The following GRIP1 variants were observed in gnomAD, a reference collection of about 807,000 sequenced individuals.
GRIP1 encodes glutamate receptor-interacting protein 1.
GRIP1 carries 45 observed loss-of-function variants against 129.9 expected under a neutral mutation model. The ratio of observed to expected loss-of-function variants is 0.35; its 90% confidence interval spans 0.27 to 0.44. GRIP1 has a LOEUF of 0.44. GRIP1 is among the 20% of genes least tolerant of loss of function. The pLI is 1.00. For synonymous variants in GRIP1, 530 were observed against 520.8 expected (o/e 1.02, Z -0.24); for missense variants, 1,196 against 1,396.8 (o/e 0.86, Z 2.29).
upstream of GRIP1, among the ~76,000 whole-genome samples, chr12:66,680,195 T>G (rs2034530153): frequency 1.3e-5 from 2 of 152,318 alleles, no homozygotes; most frequent in South Asian, 4.1e-4. Flanking sequence ...ATTCATACAG[T>G]TTTATTCTCT....
At chr12:67,033,271 G>GTATATA (rs3051221) in intron 1 of GRIP1, among the ~76,000 whole-genome samples, 237 of 142,966 alleles carry the variant, frequency 1.7e-3, no homozygotes, top group African/African-American at 3.3e-3. Context: ...AAGACTACAT[G>GTATATA]TATATATATA....
At chr12:66,462,848 C>A in intron 9 of GRIP1, 76 bp downstream of exon 9, 70 of 835,846 alleles carry the variant, frequency 8.4e-5, no homozygotes, top group Non-Finnish European at 1.2e-4. Context: ...CAGTGTCTTT[C>A]TGCTGTCTAA....
intron 7 of GRIP1, among the ~76,000 whole-genome samples, chr12:66,465,978 G>C (rs1565770119): frequency 6.6e-6 from 1 of 152,190 alleles, no homozygotes; most frequent in African/African-American, 2.4e-5. Context: ...GAATGGATGG[G>C]TAGATAGATA....
chr12:67,000,848 A>G (rs1329612308), intron 1 of GRIP1, among the ~76,000 whole-genome samples: 1 of 152,228 alleles, frequency 6.6e-6, no homozygotes, highest in African/African-American at 2.4e-5. Flanking sequence ...GTAAGATGTC[A>G]GGTTCAATTT....
At chr12:66,701,499 AAAT>A (rs2035352784) in intron 1 of GRIP1, among the ~76,000 whole-genome samples, 1 of 152,216 alleles carries the variant, frequency 6.6e-6, no homozygotes, top group African/African-American at 2.4e-5. Context: ...TCAGTTTATG[AAAT>A]ACATCTGGAA....
chr12:67,012,406 A>G (rs559994443), intron 1 of GRIP1, among the ~76,000 whole-genome samples: 66 of 152,308 alleles, frequency 4.3e-4, no homozygotes, highest in Non-Finnish European at 6.5e-4. Context: ...CTAAAGATCC[A>G]TCTTCCAGGA....
At chr12:66,648,372 C>T (rs749032477) in intron 1 of GRIP1, among the ~76,000 whole-genome samples, 1 of 152,158 alleles carries the variant, frequency 6.6e-6, no homozygotes, top group Non-Finnish European at 1.5e-5. Flanking sequence ...ATGATTTGAC[C>T]AAATGATCAC....
chr12:66,908,306 T>C (rs1443827557), intron 1 of GRIP1, among the ~76,000 whole-genome samples: 2 of 152,074 alleles, frequency 1.3e-5, no homozygotes, highest in Non-Finnish European at 1.5e-5. Flanking sequence ...TGAAAGTCAA[T>C]GACAATCTGA....
At chr12:66,691,922 C>T (rs771805025) in intron 1 of GRIP1, among the ~76,000 whole-genome samples, 1 of 152,074 alleles carries the variant, frequency 6.6e-6, no homozygotes, top group Non-Finnish European at 1.5e-5. Flanking sequence ...AACTGGTGAG[C>T]TGATGGAAGT....
intron 1 of GRIP1, among the ~76,000 whole-genome samples, chr12:66,788,144 G>A (rs552403481): frequency 1.3e-5 from 2 of 152,184 alleles, no homozygotes; most frequent in South Asian, 4.2e-4. Flanking sequence ...AAAGTTGAGT[G>A]CCAATGGAGA....
intron 1 of GRIP1, among the ~76,000 whole-genome samples, chr12:66,903,145 C>T (rs1000076829): frequency 5.9e-5 from 9 of 152,002 alleles, no homozygotes; most frequent in African/African-American, 2.2e-4. Context: ...AAATCCTTGA[C>T]TTATTACTAT....
chr12:66,431,065 G>A (rs2058133439), intron 14 of GRIP1, among the ~76,000 whole-genome samples: 1 of 152,174 alleles, frequency 6.6e-6, no homozygotes, highest in South Asian at 2.1e-4. Context: ...GAATGGATTG[G>A]AATAAACAAA....
At chr12:66,839,024 T>C (rs2039667273) in intron 1 of GRIP1, among the ~76,000 whole-genome samples, 2 of 152,222 alleles carry the variant, frequency 1.3e-5, no homozygotes, top group African/African-American at 2.4e-5. Context: ...CAAACAGCAA[T>C]GAAATCAAGA....
chr12:66,851,313 G>A (rs775912261), intron 1 of GRIP1, among the ~76,000 whole-genome samples: 38 of 151,934 alleles, frequency 2.5e-4, no homozygotes, highest in Non-Finnish European at 1.6e-4. Context: ...GTAAAAGCAC[G>A]AACATTGGTA....
chr12:66,695,273 GTTTTT>G (rs79419418), intron 1 of GRIP1, among the ~76,000 whole-genome samples: 1 of 145,968 alleles, frequency 6.9e-6, no homozygotes, highest in Non-Finnish European at 1.5e-5. Flanking sequence ...AATCTAACCT[GTTTTT>G]TTTTTTTTTA....
chr12:66,521,646 C>G (rs532300226), intron 5 of GRIP1, among the ~76,000 whole-genome samples: 6 of 152,148 alleles, frequency 3.9e-5, no homozygotes, highest in South Asian at 2.1e-4. Flanking sequence ...GAGTGCCAGA[C>G]AGTGGGTGCA....
intron 1 of GRIP1, among the ~76,000 whole-genome samples, chr12:66,996,032 A>C (rs1270195758): frequency 6.6e-6 from 1 of 152,210 alleles, no homozygotes; most frequent in Non-Finnish European, 1.5e-5. Context: ...GAAACAAGCC[A>C]GTTAAAAAAG....
intron 1 of GRIP1, among the ~76,000 whole-genome samples, chr12:66,819,239 A>G (rs2039277452): frequency 6.6e-6 from 1 of 152,222 alleles, no homozygotes; most frequent in African/African-American, 2.4e-5. Flanking sequence ...TAATGAATTC[A>G]ATCCTTTCAG....
At chr12:66,760,923 G>C (rs1387693641) in intron 1 of GRIP1, among the ~76,000 whole-genome samples, 1 of 151,644 alleles carries the variant, frequency 6.6e-6, no homozygotes, top group Non-Finnish European at 1.5e-5. Flanking sequence ...TGTCAGATAG[G>C]TAGTGGAATG....
Sources: allele counts gnomAD v4.1 joint callset (sites outside exome capture counted in the v4.1 genomes callset), GRCh38; gene constraint gnomAD v4.1.1; transcripts MANE v1.5; gene names NCBI Gene and HGNC (gene_info 2026-07-23, HGNC 2026-07-21).